The following NEO1 variants were observed in gnomAD, a reference collection of about 807,000 sequenced individuals.
NEO1 encodes neogenin.
Under a neutral mutation model 159.7 loss-of-function variants are expected in NEO1, and 63 were observed. The observed-to-expected ratio is 0.39, with a 90% CI of 0.32 to 0.49. NEO1 has a LOEUF of 0.49. NEO1 is among the 20% of genes least tolerant of loss of function. NEO1 has a pLI of 0.85. For synonymous variants in NEO1, 633 were observed against 662.0 expected, an observed-to-expected ratio of 0.96 and a Z score of 0.67; for missense variants, 1,615 against 1,831.0, an observed-to-expected ratio of 0.88 and a Z score of 2.15.
rs1485814739 is a variant in NEO1, at chr15:73,266,424, AT to A, written c.2494+14del. 7 of 1,596,718 alleles carry A rather than the reference AT, an allele frequency of 4.4e-6. No individual in the cohort carries two copies. The highest frequency in any genetic ancestry group is 1.3e-5 in the African/African-American group (1 of 74,356). The stretch of plus-strand genomic sequence containing the variant: ...AGGCCTCACACAGGTAAGGTATCCT[AT>A]CTTTCCTAGTCTCCAGCACTTTTCC... On this transcript the variant is annotated intron_variant, in intron 16 of 28. Transcript: ENST00000261908.
intron 7 of NEO1, among the ~76,000 whole-genome samples, chr15:73,207,644 C>T (rs1338359596): frequency 2.6e-5 from 4 of 152,170 alleles, no homozygotes; most frequent in Admixed American, 1.3e-4. Flanking sequence ...TGCATAGTTT[C>T]GTCCCTACTG....
At chr15:73,181,379 G>A (rs1012279065) in intron 7 of NEO1, among the ~76,000 whole-genome samples, 3 of 152,070 alleles carry the variant, frequency 2.0e-5, no homozygotes, top group South Asian at 2.1e-4. Flanking sequence ...TAGAGAAATC[G>A]GTGGAAAAGG....
chr15:73,267,602 T>C (rs2040970679), intron 16 of NEO1, among the ~76,000 whole-genome samples: 1 of 145,102 alleles, frequency 6.9e-6, no homozygotes, highest in Non-Finnish European at 1.5e-5. Context: ...TGTGTTCTCA[T>C]TGTTCAGCTC....
chr15:73,279,974 G>A (rs1445112032), intron 22 of NEO1, among the ~76,000 whole-genome samples: 1 of 152,216 alleles, frequency 6.6e-6, no homozygotes, highest in African/African-American at 2.4e-5. Context: ...CCAGTGCTAA[G>A]AAATATGAGC....
chr15:73,079,828 C>T (rs1490888172), intron 1 of NEO1, among the ~76,000 whole-genome samples: 4 of 152,162 alleles, frequency 2.6e-5, no homozygotes, highest in Non-Finnish European at 5.9e-5. Context: ...AGATAAGCTT[C>T]TGAGACCTTT....
At chr15:73,070,767 T>C (rs2068492970) in intron 1 of NEO1, among the ~76,000 whole-genome samples, 2 of 152,162 alleles carry the variant, frequency 1.3e-5, no homozygotes, top group South Asian at 4.2e-4. Flanking sequence ...AAAAGTTAAG[T>C]GAATGTTCTG....
At chr15:73,065,829 G>T (rs1026585974) in intron 1 of NEO1, among the ~76,000 whole-genome samples, 1 of 151,836 alleles carries the variant, frequency 6.6e-6, no homozygotes, top group Admixed American at 6.6e-5. Context: ...GTTCACTTAG[G>T]CTCCCTTACA....
chr15:73,108,359 A>AAT (rs2070795088), intron 1 of NEO1, among the ~76,000 whole-genome samples: 2 of 152,270 alleles, frequency 1.3e-5, no homozygotes, highest in Admixed American at 1.3e-4. Flanking sequence ...TACTTTAAGA[A>AAT]GTTACATAAA....
intron 15 of NEO1, among the ~76,000 whole-genome samples, chr15:73,262,421 T>TA (rs1164337772): frequency 6.6e-6 from 1 of 152,100 alleles, no homozygotes; most frequent in African/African-American, 2.4e-5. Flanking sequence ...AATAAGAAGG[T>TA]AACCCAATAA....
At position 73,293,456 on chromosome 15, in the gene NEO1, T is replaced by C. The variant is rs780961595; in HGVS notation, c.3809T>C (p.Leu1270Pro). The C allele has an allele frequency of 6.2e-7, 1 of 1,614,052 alleles. No individual in the cohort carries two copies. The highest frequency in any genetic ancestry group is 1.1e-5 in the South Asian group (1 of 91,086). Residue 1270 changes from leucine to proline, a missense_variant, in exon 26 of 29, where the codon CTC (leucine) becomes CCC (proline). Leu to Pro is a moderately conservative substitution (Grantham distance 98). This residue lies in a region of NEO1 where 471 missense variants were observed against 498.9 expected (regional missense o/e 0.94). Coordinates refer to ENST00000261908, the MANE Select transcript of NEO1 (RefSeq NM_002499.4). ...NPHHHFHSSS[L>P]ASPARSHLYH... ...CACCATCATTTCCACTCCAGCAGCC[T>C]CGCTTCTCCAGCTCGCAGTCATCTC...
intron 1 of NEO1, among the ~76,000 whole-genome samples, chr15:73,112,645 A>G (rs1304960801): frequency 6.6e-6 from 1 of 152,142 alleles, no homozygotes; most frequent in African/African-American, 2.4e-5. Context: ...AAGATCACAG[A>G]TAATGAACAA....
chr15:73,177,765 G>A (rs957215773), intron 6 of NEO1, among the ~76,000 whole-genome samples: 2 of 152,026 alleles, frequency 1.3e-5, no homozygotes, highest in Non-Finnish European at 2.9e-5. Flanking sequence ...GGTCTTCAGC[G>A]CCTGGGCTCA....
intron 1 of NEO1, among the ~76,000 whole-genome samples, chr15:73,065,265 A>G (rs1475834723): frequency 6.7e-6 from 1 of 150,272 alleles, no homozygotes; most frequent in Admixed American, 6.6e-5. Context: ...ATTCATTTAG[A>G]TTTACCCACG....
intron 7 of NEO1, among the ~76,000 whole-genome samples, chr15:73,212,141 C>T (rs1198114636): frequency 6.6e-6 from 1 of 152,198 alleles, no homozygotes; most frequent in Non-Finnish European, 1.5e-5. Flanking sequence ...GCAGTCATCT[C>T]TGAGCCCAGA....
At chr15:73,196,684 T>G (rs1455378761) in intron 7 of NEO1, among the ~76,000 whole-genome samples, 1 of 152,226 alleles carries the variant, frequency 6.6e-6, no homozygotes, top group African/African-American at 2.4e-5. Flanking sequence ...AGTGTGTTAT[T>G]CTCTCACCAC....
intron 6 of NEO1, among the ~76,000 whole-genome samples, chr15:73,176,998 A>G (rs1004293855): frequency 6.6e-6 from 1 of 152,228 alleles, no homozygotes; most frequent in African/African-American, 2.4e-5. Context: ...AATGCAACTG[A>G]CTATACAAAA....
intron 5 of NEO1, among the ~76,000 whole-genome samples, chr15:73,154,578 T>C (rs993255930): frequency 6.6e-6 from 1 of 152,234 alleles, no homozygotes; most frequent in Non-Finnish European, 1.5e-5. Flanking sequence ...CACAAATAAG[T>C]GAGAACATCT....
chr15:73,275,292 C>T (rs1303730378), intron 21 of NEO1, among the ~76,000 whole-genome samples: 1 of 152,102 alleles, frequency 6.6e-6, no homozygotes, highest in Non-Finnish European at 1.5e-5. Flanking sequence ...TAATTCAGAG[C>T]TCTTTTTTCA....
At chr15:73,236,298 C>T in intron 7 of NEO1, 49 bp from the exon 8 acceptor site, 1 of 1,613,576 alleles carries the variant, frequency 6.2e-7, no homozygotes, top group Non-Finnish European at 8.5e-7. Context: ...TGTTGCCATC[C>T]CAACATTACC....
Sources: gnomAD v4.1 joint callset for allele counts (sites outside exome capture counted in the v4.1 genomes callset) on GRCh38, gnomAD v4.1.1 for gene constraint, gnomAD v4.1.1 regional missense constraint, MANE v1.5 for transcripts, NCBI Gene and HGNC (gene_info 2026-07-23, HGNC 2026-07-21) for gene names.